The following SKIC3 variants were observed in gnomAD, a reference collection of about 807,000 sequenced individuals.
The protein encoded by SKIC3 is SKI3 subunit of superkiller complex.
the SKIC3 span, chr5:95,541,523 A>T: frequency 1.2e-6 from 1 of 827,620 alleles, no homozygotes; most frequent in Non-Finnish European, 1.9e-6. Context: ...CTTCTTTCAT[A>T]CTACAGTAAA....
the SKIC3 span, among the ~76,000 whole-genome samples, chr5:95,496,922 C>G: frequency 6.6e-6 from 1 of 152,184 alleles, no homozygotes; most frequent in Non-Finnish European, 1.5e-5. Flanking sequence ...CTGAAAATAT[C>G]TGGATGCTAC....
chr5:95,554,546 T>G, the SKIC3 span, among the ~76,000 whole-genome samples: 1 of 152,216 alleles, frequency 6.6e-6, no homozygotes, highest in Non-Finnish European at 1.5e-5. Flanking sequence ...GGAACAGCTA[T>G]GCTTTCCCCT....
chr5:95,537,159 G>A, the SKIC3 span: 75 of 1,591,568 alleles, frequency 4.7e-5, no homozygotes, highest in South Asian at 9.9e-5. Flanking sequence ...AAATAAAAAA[G>A]CTATCATCTG....
At chr5:95,474,086 A>G in the SKIC3 span, among the ~76,000 whole-genome samples, 1 of 152,338 alleles carries the variant, frequency 6.6e-6, no homozygotes, top group Non-Finnish European at 1.5e-5. Flanking sequence ...GTTTGTATAT[A>G]TGCTGAAAGG....
chr5:95,499,416 GGCCGCCCCAGAAGCAAT>G, the SKIC3 span, among the ~76,000 whole-genome samples: 1 of 152,052 alleles, frequency 6.6e-6, no homozygotes, highest in African/African-American at 2.4e-5. Flanking sequence ...AGTTTCCTGA[GGCCGCCCCAGAAGCAAT>G]GCTGCCATAC....
chr5:95,480,022 A>G, the SKIC3 span, among the ~76,000 whole-genome samples: 1 of 152,196 alleles, frequency 6.6e-6, no homozygotes, highest in African/African-American at 2.4e-5. Context: ...TAGTCTTTTC[A>G]AAGATTGGTA....
At chr5:95,516,653 AGT>A in the SKIC3 span, 1 of 1,613,166 alleles carries the variant, frequency 6.2e-7, no homozygotes, top group Non-Finnish European at 8.5e-7. Context: ...AAAATATTGA[AGT>A]GTTACTCAAT....
At chr5:95,475,649 G>C in the SKIC3 span, among the ~76,000 whole-genome samples, 1 of 152,178 alleles carries the variant, frequency 6.6e-6, no homozygotes, top group Non-Finnish European at 1.5e-5. Context: ...TACAGTTGGT[G>C]TTCCTTTAAC....
chr5:95,545,413 GC>G, the SKIC3 span, among the ~76,000 whole-genome samples: 1 of 152,006 alleles, frequency 6.6e-6, no homozygotes, highest in Non-Finnish European at 1.5e-5. Context: ...CATGTATACT[GC>G]CCAGTCTTGC....
the SKIC3 span, chr5:95,495,083 A>G: frequency 6.6e-7 from 1 of 1,511,094 alleles, no homozygotes; most frequent in Non-Finnish European, 9.2e-7. Flanking sequence ...AAAAATTAAG[A>G]TTGATAAGAC....
the SKIC3 span, chr5:95,494,796 AAAT>A: frequency 6.2e-7 from 1 of 1,613,498 alleles, no homozygotes; most frequent in Non-Finnish European, 8.5e-7. Context: ...AATGCCTTCT[AAAT>A]AAGAGAAAAG....
the SKIC3 span, chr5:95,502,853 T>C: frequency 6.2e-7 from 1 of 1,611,264 alleles, no homozygotes; most frequent in Non-Finnish European, 8.5e-7. Context: ...TCTGGTCATG[T>C]TAAGTGTTGA....
chr5:95,468,099 G>A, the SKIC3 span: 3 of 1,373,490 alleles, frequency 2.2e-6, no homozygotes, highest in East Asian at 2.5e-5. Context: ...CAGATGTAGT[G>A]TCTGATTATG....
At chr5:95,470,032 A>G in the SKIC3 span, 336 of 1,186,804 alleles carry the variant, frequency 2.8e-4, 2 homozygotes, top group East Asian at 9.2e-3. Context: ...CCTGGAGTGC[A>G]GTGGCGCGAT....
the SKIC3 span, among the ~76,000 whole-genome samples, chr5:95,503,268 T>C: frequency 2.1e-4 from 32 of 152,304 alleles, no homozygotes; most frequent in African/African-American, 7.2e-4. Flanking sequence ...TCTAGGTCAC[T>C]GTCTTTACGA....
At chr5:95,478,313 G>A in the SKIC3 span, 1 of 1,613,868 alleles carries the variant, frequency 6.2e-7, no homozygotes, top group East Asian at 2.2e-5. Flanking sequence ...AATGCAAGTA[G>A]TGCTAGTCTC....
At chr5:95,532,020 A>G in the SKIC3 span, among the ~76,000 whole-genome samples, 799 of 152,254 alleles carry the variant, frequency 5.2e-3, 6 homozygotes, top group Non-Finnish European at 8.8e-3. Flanking sequence ...TCCTAAAAAA[A>G]AATAGCTACC....
chr5:95,509,640 T>C, the SKIC3 span: 1 of 1,614,094 alleles, frequency 6.2e-7, no homozygotes, highest in East Asian at 2.2e-5. Context: ...AGATGTTCGT[T>C]TAAGTAACCC....
At chr5:95,485,167 C>T in the SKIC3 span, among the ~76,000 whole-genome samples, 1 of 152,176 alleles carries the variant, frequency 6.6e-6, no homozygotes, top group Non-Finnish European at 1.5e-5. Context: ...TCAAACTATA[C>T]AATCTGATGA....
Sources: gnomAD v4.1 joint callset for allele counts (sites outside exome capture counted in the v4.1 genomes callset) on GRCh38, gnomAD v4.1.1 for gene constraint, MANE v1.5 for transcripts, NCBI Gene and HGNC (gene_info 2026-07-23, HGNC 2026-07-21) for gene names.